Variants in DNAAF4 observed in about 807,000 individuals in gnomAD.
DNAAF4 encodes the protein dynein assembly factor 4, axonemal.
Under a neutral mutation model 51.8 loss-of-function variants are expected in DNAAF4, and 43 were observed. That is an observed-to-expected ratio of 0.83 (90% CI 0.65 to 1.07). The LOEUF (loss-of-function observed/expected upper bound fraction) is 1.07. DNAAF4 is among the 50% of genes least tolerant of loss of function. DNAAF4 has a pLI of 0.00. For missense variants in DNAAF4, 581 were observed against 493.0 expected, an observed-to-expected ratio of 1.18 and a Z score of -1.69; for synonymous variants, 194 against 165.6, an observed-to-expected ratio of 1.17 and a Z score of -1.32.
chr15:55,500,794 A>T (rs2058692917), intron 1 of DNAAF4, among the ~76,000 whole-genome samples: 1 of 151,954 alleles, frequency 6.6e-6, no homozygotes, highest in Non-Finnish European at 1.5e-5. Flanking sequence ...GGAGTTCAAG[A>T]CCAGCCTGAC....
At chr15:55,437,770 G>A (rs1391462650) in intron 7 of DNAAF4, among the ~76,000 whole-genome samples, 1 of 152,134 alleles carries the variant, frequency 6.6e-6, no homozygotes, top group Non-Finnish European at 1.5e-5. Context: ...AATGCAAACA[G>A]CTTAGAAGCC....
At chr15:55,499,917 A>C (rs943589301) in intron 1 of DNAAF4, among the ~76,000 whole-genome samples, 1 of 152,148 alleles carries the variant, frequency 6.6e-6, no homozygotes, top group African/African-American at 2.4e-5. Context: ...TCCCATTACA[A>C]TGTTTTTGCT....
chr15:55,481,395 T>A (rs1238467237), intron 4 of DNAAF4, among the ~76,000 whole-genome samples: 1 of 152,182 alleles, frequency 6.6e-6, no homozygotes, highest in Non-Finnish European at 1.5e-5. Context: ...CATGGCTCCT[T>A]CCCCTAGCCA....
intron 7 of DNAAF4, among the ~76,000 whole-genome samples, chr15:55,438,487 A>G (rs186524838): frequency 1.3e-5 from 2 of 151,776 alleles, no homozygotes; most frequent in South Asian, 2.1e-4. Context: ...ATCTTTAGAA[A>G]TGGATTTGAA....
chr15:55,454,292 C>A (rs2057984045), intron 5 of DNAAF4, among the ~76,000 whole-genome samples: 2 of 151,270 alleles, frequency 1.3e-5, no homozygotes, highest in Non-Finnish European at 2.9e-5. Context: ...CAGAGCAAGA[C>A]TCTGTCTCAA....
intron 4 of DNAAF4, among the ~76,000 whole-genome samples, chr15:55,482,494 T>C (rs1165160672): frequency 6.6e-6 from 1 of 151,866 alleles, no homozygotes; most frequent in Non-Finnish European, 1.5e-5. Flanking sequence ...CTGGCTAACA[T>C]GGCAAAACCC....
intron 1 of DNAAF4, among the ~76,000 whole-genome samples, chr15:55,501,857 A>G (rs558225812): frequency 6.6e-6 from 1 of 152,024 alleles, no homozygotes; most frequent in East Asian, 2.0e-4. Flanking sequence ...AGCCTGGCCA[A>G]CATGGTGAAA....
intron 6 of DNAAF4, chr15:55,443,409 C>A: frequency 1.6e-6 from 1 of 608,088 alleles, no homozygotes; most frequent in East Asian, 2.8e-5. Context: ...CCCTGGATGG[C>A]ACACATTACT....
intron 3 of DNAAF4, among the ~76,000 whole-genome samples, chr15:55,493,376 T>C (rs2058599635): frequency 6.6e-6 from 1 of 152,222 alleles, no homozygotes; most frequent in African/African-American, 2.4e-5. Context: ...GTAATTTTAT[T>C]CATCTAAGAT....
intron 6 of DNAAF4, chr15:55,442,788 A>T (rs2057734720): frequency 6.8e-6 from 11 of 1,607,364 alleles, no homozygotes; most frequent in East Asian, 2.2e-5. Context: ...CAGAACAAAG[A>T]GGGATAGGTC....
intron 6 of DNAAF4, chr15:55,442,982 T>C (rs1402113024): frequency 6.2e-7 from 1 of 1,611,170 alleles, no homozygotes; most frequent in Non-Finnish European, 8.5e-7. Flanking sequence ...TTGTAGAACA[T>C]CACGTATTCA....
intron 3 of DNAAF4, among the ~76,000 whole-genome samples, chr15:55,496,187 C>T (rs1449109277): frequency 6.6e-6 from 1 of 152,100 alleles, no homozygotes; most frequent in Non-Finnish European, 1.5e-5. Flanking sequence ...GCCGAGATCG[C>T]ATCACTGCAC....
Position 55,498,263 on chromosome 15 carries a change from G to A in DNAAF4, c.67C>T (p.Leu23Phe), listed in dbSNP as rs1320854984. 4 of 1,613,852 alleles carry A rather than the reference G, an allele frequency of 2.5e-6. No homozygotes were observed. Among genetic ancestry groups the A allele is most frequent in the Non-Finnish European group, 3.4e-6 (4 of 1,179,890 alleles). ...GTGTCTCTGACGCACACGCCTTTGA[G>A]GGGCAGAGACAGAAAGACCGCAGTC... Reference protein sequence around the residue: ...TKTAVFLSLPLKGVCVRDTDV... With the variant: ...TKTAVFLSLPFKGVCVRDTDV... The change falls in exon 2 of 10, where the codon CTC (leucine) becomes TTC (phenylalanine). Residue 23 changes from leucine (L) to phenylalanine (F), a missense_variant. Coordinates refer to ENST00000321149, the MANE Select transcript of DNAAF4 (RefSeq NM_130810.4).
intron 4 of DNAAF4, among the ~76,000 whole-genome samples, chr15:55,482,137 C>T (rs763096766): frequency 4.1e-4 from 63 of 152,136 alleles, no homozygotes; most frequent in Non-Finnish European, 7.1e-4. Flanking sequence ...TTTGTTTGTG[C>T]ATTTTGTTCA....
chr15:55,472,366 C>T (rs1030978433), intron 4 of DNAAF4, among the ~76,000 whole-genome samples: 20 of 152,104 alleles, frequency 1.3e-4, no homozygotes, highest in African/African-American at 4.8e-4. Context: ...GCCTGAAATC[C>T]CAGCACTTTG....
chr15:55,499,976 G>A (rs1337369100), intron 1 of DNAAF4, among the ~76,000 whole-genome samples: 1 of 152,116 alleles, frequency 6.6e-6, no homozygotes, highest in Non-Finnish European at 1.5e-5. Context: ...GGATAAAACA[G>A]TGAATGTATA....
intron 5 of DNAAF4, among the ~76,000 whole-genome samples, chr15:55,465,017 T>TTG (rs1287310907): frequency 6.6e-6 from 1 of 152,118 alleles, no homozygotes; most frequent in Non-Finnish European, 1.5e-5. Flanking sequence ...ACACCGCTAA[T>TTG]TATTAGGGAA....
intron 5 of DNAAF4, among the ~76,000 whole-genome samples, chr15:55,455,924 T>G (rs1009448209): frequency 6.6e-6 from 1 of 151,952 alleles, no homozygotes; most frequent in African/African-American, 2.4e-5. Flanking sequence ...TAGACTGAAG[T>G]GTTGTGAAGA....
intron 6 of DNAAF4, among the ~76,000 whole-genome samples, chr15:55,441,045 T>G (rs1267304023): frequency 6.6e-6 from 1 of 151,930 alleles, no homozygotes; most frequent in Non-Finnish European, 1.5e-5. Flanking sequence ...TAGCCAAATT[T>G]CTTGCTTTCT....
Sources: allele counts gnomAD v4.1 joint callset (sites outside exome capture counted in the v4.1 genomes callset), GRCh38; gene constraint gnomAD v4.1.1; transcripts MANE v1.5; gene names NCBI Gene and HGNC (gene_info 2026-07-23, HGNC 2026-07-21).